The following AP4S1 variants were observed in gnomAD, a reference collection of about 807,000 sequenced individuals.
The protein encoded by AP4S1 is adaptor related protein complex 4 subunit sigma 1.
A neutral mutation model predicts 19.8 loss-of-function variants in AP4S1; 23 were observed. The ratio of observed to expected loss-of-function variants is 1.16; its 90% CI spans 0.84 to 1.65. AP4S1 has a LOEUF of 1.65. Among genes scored for constraint, AP4S1 ranks in the 40% most tolerant of loss-of-function variants. AP4S1 has a pLI of 0.00. For missense variants in AP4S1, 166 were observed against 172.8 expected, an observed-to-expected ratio of 0.96 and a Z score of 0.22; for synonymous variants, 46 against 54.1, an observed-to-expected ratio of 0.85 and a Z score of 0.66.
At chr14:31,025,464 C>T (rs1883777403), upstream of AP4S1, 1 of 166,000 alleles carries the variant, frequency 6.0e-6, no homozygotes, top group Non-Finnish European at 1.3e-5. Flanking sequence ...GGGGGGTGGT[C>T]CGGAAAAGGG....
chr14:31,085,966 G>A, intron 5 of AP4S1: 1 of 351,132 alleles, frequency 2.8e-6, no homozygotes, highest in Non-Finnish European at 4.0e-6. Context: ...CACTCTCTGT[G>A]ACTCCGCCAG....
intron 4 of AP4S1, among the ~76,000 whole-genome samples, chr14:31,076,135 A>T (rs942759246): frequency 2.0e-5 from 3 of 152,174 alleles, no homozygotes; most frequent in African/African-American, 7.2e-5. Flanking sequence ...ACATTCATGG[A>T]TGCGTTTTTG....
chr14:31,041,188 C>T (rs1024341029), intron 1 of AP4S1, among the ~76,000 whole-genome samples: 2 of 151,830 alleles, frequency 1.3e-5, no homozygotes, highest in Non-Finnish European at 2.9e-5. Flanking sequence ...CTCACTGTGT[C>T]ACCCAGGCTG....
intron 3 of AP4S1, among the ~76,000 whole-genome samples, chr14:31,071,085 GA>G: frequency 6.6e-6 from 1 of 152,172 alleles, no homozygotes; most frequent in Non-Finnish European, 1.5e-5. Flanking sequence ...AAAAGCCAGA[GA>G]AAACTCTAAA....
At position 31,072,879 on chromosome 14, in the gene AP4S1, ATTGTACCTTTC is replaced by A; in HGVS notation, c.226-23_226-13del. On this transcript the variant is annotated splice_polypyrimidine_tract_variant and intron_variant, in intron 3 of 5. Coordinates refer to ENST00000542754, the MANE Select transcript of AP4S1 (RefSeq NM_001128126.3). ...TACATGGGAAGCGACACTAAAATTGATTGTACCTTTCTTCTTTTATTGTAGAACGAGATGGC... is the reference window on the plus strand; with the variant it reads ...TACATGGGAAGCGACACTAAAATTGATTCTTTTATTGTAGAACGAGATGGC... The A allele has an allele frequency of 1.3e-6, 2 of 1,589,936 alleles. No individual in the cohort carries two copies. Among genetic ancestry groups the A allele is most frequent in the Non-Finnish European group, 1.7e-6 (2 of 1,158,532 alleles).
At chr14:31,073,795 C>T (rs1486316934) in intron 4 of AP4S1, among the ~76,000 whole-genome samples, 3 of 150,756 alleles carry the variant, frequency 2.0e-5, no homozygotes, top group East Asian at 2.1e-4. Context: ...CCGCCCGCCT[C>T]GGCCTCCCAA....
intron 1 of AP4S1, chr14:31,026,006 C>T: frequency 6.4e-7 from 1 of 1,552,974 alleles, no homozygotes; most frequent in Non-Finnish European, 8.7e-7. Flanking sequence ...TGTACTGCTG[C>T]GGCCGGGACA....
rs141736821 is a variant in AP4S1 at position 31,072,543 on chromosome 14, A to T, written c.226-362A>T. Among the ~76,000 whole-genome samples, 1,122 of 151,424 alleles carry T rather than the reference A, an allele frequency of 7.4e-3. 9 individuals carry two copies. Among genetic ancestry groups the T allele is most frequent in the African/African-American group, 0.026 (1,069 of 41,232 alleles). On this transcript the variant is annotated intron_variant, in intron 3 of 5. Coordinates refer to ENST00000542754, the MANE Select transcript of AP4S1 (RefSeq NM_001128126.3). Reference sequence around the variant, plus strand: ...GCACCACCACACCTGGCTAGTTTTTAAGTTTTTTATGGAGACAGAGTCTCA... The same window carrying T: ...GCACCACCACACCTGGCTAGTTTTTTAGTTTTTTATGGAGACAGAGTCTCA...
At chr14:31,061,367 A>T (rs1383866160) in intron 1 of AP4S1, among the ~76,000 whole-genome samples, 1 of 152,172 alleles carries the variant, frequency 6.6e-6, no homozygotes, top group Non-Finnish European at 1.5e-5. Flanking sequence ...TCAAACAGAT[A>T]ATTAATGTTT....
chr14:31,082,377 A>G (rs1211125538), intron 5 of AP4S1, among the ~76,000 whole-genome samples: 1 of 152,240 alleles, frequency 6.6e-6, no homozygotes, highest in Non-Finnish European at 1.5e-5. Context: ...TTCTATCTGA[A>G]TTAAGCCATT....
chr14:31,041,221 C>A lies in AP4S1; in HGVS notation c.-72+15434C>A, dbSNP rs564799178. Among the ~76,000 whole-genome samples the A allele has an allele frequency of 7.9e-5, 12 of 152,160 alleles. No individual in the cohort carries two copies. In the South Asian group the frequency reaches 2.5e-3, roughly 32 times the overall value. On this transcript the variant is annotated intron_variant, in intron 1 of 5. Transcript: ENST00000542754. ...CTGGAGTGCAGTGGCGTAATCTCTGCTCACTGCAACCTCCACCTCCTGAGT... is the reference window on the plus strand; with the variant it reads ...CTGGAGTGCAGTGGCGTAATCTCTGATCACTGCAACCTCCACCTCCTGAGT...
intron 3 of AP4S1, among the ~76,000 whole-genome samples, chr14:31,070,672 T>G (rs1886950336): frequency 6.6e-6 from 1 of 152,204 alleles, no homozygotes; most frequent in African/African-American, 2.4e-5. Context: ...CCTTTTTCTG[T>G]TGTAAGCAAT....
At chr14:31,065,219 A>G (rs552825266) in intron 1 of AP4S1, among the ~76,000 whole-genome samples, 3 of 152,298 alleles carry the variant, frequency 2.0e-5, no homozygotes, top group Admixed American at 6.5e-5. Flanking sequence ...TATTCTTCCC[A>G]TGCCCTGAAC....
rs1475007358 is a variant in AP4S1 at position 31,095,026 on chromosome 14, T to G, written c.*1991T>G. 1 of 151,980 alleles carries G rather than the reference T, an allele frequency of 6.6e-6. No homozygotes were observed. Among genetic ancestry groups the G allele is most frequent in the Non-Finnish European group, 1.5e-5 (1 of 68,028 alleles). The allele number at this position is 151,980 out of a possible 1,614,324, so 9.4% of individuals were successfully genotyped here. ...GTGAGACCCTGTCTCTAAAAATAAG[T>G]AAATAACTAATTAAAAAGTTAGCCA... On this transcript the variant is annotated 3_prime_UTR_variant, in exon 6 of 6. Transcript: ENST00000542754.
chr14:31,025,570 T>C (rs1374826490), upstream of AP4S1: 3 of 373,774 alleles, frequency 8.0e-6, no homozygotes, highest in Non-Finnish European at 1.5e-5. Flanking sequence ...CAAACCGGAC[T>C]CTCCCACAGA....
Position 31,069,778 on chromosome 14 carries a change from C to G in AP4S1, c.139-65C>G, listed in dbSNP as rs7155228. On this transcript the variant is annotated intron_variant, in intron 2 of 5. Coordinates refer to ENST00000542754, the MANE Select transcript of AP4S1 (RefSeq NM_001128126.3). ...CGGGTAAATCAGAACCTAGAACTTA[C>G]GCATGTCATTTTAAAGAACTCTCTC... The G allele has an allele frequency of 0.78, 918,954 of 1,179,366 alleles. 360,687 individuals are homozygous for G. The highest frequency in any genetic ancestry group is 0.82 in the Admixed American group (48,552 of 59,354). The allele number at this position is 1,179,366 out of a possible 1,614,324, so 73.1% of individuals were successfully genotyped here.
At chr14:31,049,428 A>AATATATATATAT (rs1182207910) in intron 1 of AP4S1, among the ~76,000 whole-genome samples, 48 of 57,716 alleles carry the variant, frequency 8.3e-4, no homozygotes, top group African/African-American at 1.7e-3. Flanking sequence ...AAAAAAAAAA[A>AATATATATATAT]ATATATATAT....
intron 2 of AP4S1, among the ~76,000 whole-genome samples, chr14:31,066,851 T>G (rs1037898339): frequency 3.3e-5 from 5 of 152,164 alleles, no homozygotes; most frequent in Non-Finnish European, 2.9e-5. Flanking sequence ...CTGAAACCAG[T>G]GATTTAAAAA....
At position 31,077,723 on chromosome 14, in the gene AP4S1, G is replaced by GTTTTTTTTC. The variant is rs1555334157; in HGVS notation, c.295-2843_295-2835dup. Among the ~76,000 whole-genome samples the GTTTTTTTTC allele has an allele frequency of 1.1e-4, 16 of 147,136 alleles. 1 individual carries two copies. The South Asian group carries it at 2.6e-3, about 24-fold the overall frequency. ...ATGAGGCTTGCTGTCAGCCATTTTT[G>GTTTTTTTTC]TTTTTTTTCTTTTTTCTTTTTTTTT... On this transcript the variant is annotated intron_variant, in intron 4 of 5. Transcript: ENST00000542754.
Sources: gnomAD v4.1 joint callset for allele counts (sites outside exome capture counted in the v4.1 genomes callset) on GRCh38, gnomAD v4.1.1 for gene constraint, MANE v1.5 for transcripts, NCBI Gene and HGNC (gene_info 2026-07-23, HGNC 2026-07-21) for gene names.